The following ARL6IP4 variants were observed in gnomAD, a reference collection of about 807,000 sequenced individuals.
ARL6IP4 encodes the protein ADP-ribosylation factor-like protein 6-interacting protein 4.
A neutral mutation model predicts 28.1 loss-of-function variants in ARL6IP4; 24 were observed. The ratio of observed to expected loss-of-function variants is 0.86; its 90% confidence interval spans 0.62 to 1.20. The LOEUF (loss-of-function observed/expected upper bound fraction) is 1.20, where lower values mean the gene tolerates loss of function less well. ARL6IP4 is among the 50% of genes most tolerant of loss of function. The pLI is 0.00. For synonymous variants in ARL6IP4, 162 were observed against 122.3 expected, an observed-to-expected ratio of 1.32 and a Z score of -2.14; for missense variants, 343 against 302.4, an observed-to-expected ratio of 1.13 and a Z score of -1.00.
intron 1 of ARL6IP4, 81 bp downstream of exon 1, chr12:122,980,826 G>A (rs1343647294): frequency 3.0e-6 from 4 of 1,328,118 alleles, no homozygotes; most frequent in Non-Finnish European, 3.8e-6. Flanking sequence ...GGAGAGCGCG[G>A]GAAAGCGCCC....
Position 122,980,937 on chromosome 12 carries a change from C to G in ARL6IP4, c.-12+192C>G, listed in dbSNP as rs542405971. 138 of 1,384,774 alleles carry G rather than the reference C, an allele frequency of 1.0e-4. No individual in the cohort carries two copies. In the African/African-American group the frequency reaches 1.9e-3, roughly 19 times the overall value. The allele number at this position is 1,384,774 out of a possible 1,614,324, so 85.8% of individuals were successfully genotyped here. On this transcript the variant is annotated intron_variant, in intron 1 of 5. Coordinates refer to ENST00000315580, the MANE Select transcript of ARL6IP4 (RefSeq NM_018694.4). Reference sequence around the variant, plus strand: ...CACGGGGCGGGCCCTTAACAGGCACCGCTGCGGGGACTGGAGTCGGCGGAG... The same window carrying G: ...CACGGGGCGGGCCCTTAACAGGCACGGCTGCGGGGACTGGAGTCGGCGGAG...
At position 122,981,196 on chromosome 12, in the gene ARL6IP4, G is replaced by A. The variant is rs2037630320; in HGVS notation, c.57G>A (p.Arg19=). The A allele has an allele frequency of 6.5e-7, 1 of 1,549,798 alleles. No individual in the cohort carries two copies. Among genetic ancestry groups the A allele is most frequent in the Admixed American group, 2.0e-5 (1 of 50,948 alleles). Residue 19 remains arginine (R), a synonymous_variant, in exon 2 of 6, where the codon CGG becomes CGA. Coordinates refer to ENST00000315580, the MANE Select transcript of ARL6IP4 (RefSeq NM_018694.4). ...RSRSRSRSRG[R]GSEKRKKKSR... ...GGAGTCGCAGCCGGTCCCGGGGACGGGGGTCGGAAAAGAGAAAGAAGAAGA... is the reference window on the plus strand; with the variant it reads ...GGAGTCGCAGCCGGTCCCGGGGACGAGGGTCGGAAAAGAGAAAGAAGAAGA...
At chr12:122,980,311 A>C, upstream of ARL6IP4, 1 of 1,290,496 alleles carries the variant, frequency 7.7e-7, no homozygotes, top group East Asian at 2.8e-5. Flanking sequence ...CCCTACGGAC[A>C]CGAGTTTGCG....
intron 4 of ARL6IP4, 98 bp downstream of exon 4, chr12:122,982,172 G>A (rs2037708221): frequency 7.1e-7 from 1 of 1,416,290 alleles, no homozygotes; most frequent in Non-Finnish European, 9.9e-7. Context: ...GGTTCCTGGT[G>A]CCTGAAAAAG....
At chr12:122,981,504 C>T in intron 2 of ARL6IP4, 67 bp from the exon 3 acceptor site, 4 of 1,440,486 alleles carry the variant, frequency 2.8e-6, no homozygotes, top group African/African-American at 1.4e-5. Context: ...ACCCTGTAGC[C>T]GGTCTGTGCC....
At chr12:122,981,350 G>T in intron 2 of ARL6IP4, 51 bp downstream of exon 2, 1 of 1,513,120 alleles carries the variant, frequency 6.6e-7, no homozygotes, top group Non-Finnish European at 8.9e-7. Flanking sequence ...ACCCGGGGAA[G>T]TCGGGCGAGC....
chr12:122,980,922 G>A, intron 1 of ARL6IP4, 177 bp downstream of exon 1: 1 of 1,375,060 alleles, frequency 7.3e-7, no homozygotes, highest in South Asian at 1.7e-5. Context: ...CACGGGGCGG[G>A]CCCTTAACAG....
In ARL6IP4 at chr12:122,981,223, C is replaced by T; in HGVS notation, c.84C>T (p.Ser28=). The T allele has an allele frequency of 1.3e-6, 2 of 1,550,040 alleles. No homozygotes were observed. The highest frequency in any genetic ancestry group is 1.2e-5 in the South Asian group (1 of 84,014). The change falls in exon 2 of 6, where the codon AGC becomes AGT. Residue 28 remains serine, a synonymous_variant. Transcript: ENST00000315580. ...GRGSEKRKKK[S]RKDTSRNCSA... ...GGTCGGAAAAGAGAAAGAAGAAGAG[C>T]AGGAAAGACACCTCGAGGAACTGCT... is the stretch of plus-strand genomic sequence containing the variant.
At chr12:122,980,643 A>G, upstream of ARL6IP4, 1 of 1,396,774 alleles carries the variant, frequency 7.2e-7, no homozygotes, top group Non-Finnish European at 9.3e-7. Flanking sequence ...CGCGCTTCCC[A>G]GCCGGCCAGC....
At chr12:122,982,105 A>G (rs766651623) in intron 4 of ARL6IP4, 31 bp downstream of exon 4, 13 of 1,599,712 alleles carry the variant, frequency 8.1e-6, no homozygotes, top group Non-Finnish European at 1.1e-5. Context: ...CTTACACCAC[A>G]GGATCTGGGA....
chr12:122,980,438 C>T (rs754103527), upstream of ARL6IP4: 2 of 1,361,672 alleles, frequency 1.5e-6, no homozygotes, highest in South Asian at 2.0e-5. Flanking sequence ...GCGAGGGTCG[C>T]CTTCTTCCCA....
chr12:122,982,456 C>A lies in ARL6IP4; in HGVS notation c.588-13C>A. 6.2e-7 allele frequency: 1 copy of A among 1,609,380 alleles called. No individual in the cohort carries two copies. Among genetic ancestry groups the A allele is most frequent in the Middle Eastern group, 1.7e-4 (1 of 6,060 alleles). On this transcript the variant is annotated splice_polypyrimidine_tract_variant and intron_variant, in intron 4 of 5. Coordinates refer to ENST00000315580, the MANE Select transcript of ARL6IP4 (RefSeq NM_018694.4). ...GCCTATTCCTTGCTGAACGGAGACC[C>A]TCCCACCCCCAGGCTTATTAAGGGA...
chr12:122,982,572 C>T lies in ARL6IP4; in HGVS notation c.657+34C>T, dbSNP rs1311313525. The T allele has an allele frequency of 1.9e-6, 3 of 1,614,086 alleles. No homozygotes were observed. In the Admixed American group the frequency reaches 5.0e-5, roughly 27 times the overall value. On this transcript the variant is annotated intron_variant, in intron 5 of 5. Transcript: ENST00000315580. Reference sequence around the variant, plus strand: ...GGCCCCTCTGCCTGCCATCCGCCCCCAGCTCTGTTTGTGATGTACCCCTCC... The same window carrying T: ...GGCCCCTCTGCCTGCCATCCGCCCCTAGCTCTGTTTGTGATGTACCCCTCC...
At chr12:122,982,307 C>A in intron 4 of ARL6IP4, 162 bp from the exon 5 acceptor site, 1 of 841,820 alleles carries the variant, frequency 1.2e-6, no homozygotes, top group Non-Finnish European at 1.9e-6. Context: ...AGCCCAGCTC[C>A]ACTGCCTTCA....
At chr12:122,980,590 C>T (rs778285529), upstream of ARL6IP4, 5 of 1,391,700 alleles carry the variant, frequency 3.6e-6, no homozygotes, top group Non-Finnish European at 4.7e-6. Flanking sequence ...GGTGGGCGCG[C>T]CCGGGACGGA....
Position 122,980,683 on chromosome 12 carries a change from C to T in ARL6IP4, c.-74C>T. The T allele has an allele frequency of 7.4e-7, 1 of 1,345,646 alleles. No individual in the cohort carries two copies. Among genetic ancestry groups the T allele is most frequent in the East Asian group, 3.1e-5 (1 of 32,226 alleles). The allele number at this position is 1,345,646 out of a possible 1,614,324, so 83.4% of individuals were successfully genotyped here. On this transcript the variant is annotated 5_prime_UTR_variant, in exon 1 of 6. Transcript: ENST00000315580. ...CGCGCAGCGCCCCGGCCGGAAGCCTCCTCGCCGCCGCTTCCTCTCGAGAAG... is the reference window on the plus strand; with the variant it reads ...CGCGCAGCGCCCCGGCCGGAAGCCTTCTCGCCGCCGCTTCCTCTCGAGAAG...
upstream of ARL6IP4, chr12:122,980,680 C>G: frequency 7.4e-7 from 1 of 1,347,776 alleles, no homozygotes; most frequent in Non-Finnish European, 9.5e-7. Context: ...CGGCCGGAAG[C>G]CTCCTCGCCG....
chr12:122,982,686 C>T lies in ARL6IP4; in HGVS notation c.*10C>T. On this transcript the variant is annotated 3_prime_UTR_variant, in exon 6 of 6. Transcript: ENST00000315580. ...TGGGTTGCTTCCCTGAGGGCCCCCGCTGGCCAAGGCCTGTGGACGACGCTG... is the reference window on the plus strand; with the variant it reads ...TGGGTTGCTTCCCTGAGGGCCCCCGTTGGCCAAGGCCTGTGGACGACGCTG... The T allele has an allele frequency of 1.2e-6, 2 of 1,613,168 alleles. No homozygotes were observed. Among genetic ancestry groups the T allele is most frequent in the Non-Finnish European group, 1.7e-6 (2 of 1,179,826 alleles).
In ARL6IP4 at chr12:122,982,507, T is replaced by C; in HGVS notation, c.626T>C (p.Val209Ala). 6.2e-7 allele frequency: 1 copy of C among 1,614,080 alleles called. No homozygotes were observed. The highest frequency in any genetic ancestry group is 8.5e-7 in the Non-Finnish European group (1 of 1,179,990). ...GATGGCGAGGTCCTAGAGGAAATCG[T>C]AACCAAAGAACGACACAGAGAGATC... ...KGDGEVLEEIVTKERHREINK... is the reference protein window; with the variant it reads ...KGDGEVLEEIATKERHREINK... The change falls in exon 5 of 6, where the codon GTA becomes GCA. Residue 209 changes from valine to alanine, a missense_variant. By Grantham distance (64) the Val-to-Ala change is moderately conservative. Transcript: ENST00000315580.
Sources: allele counts gnomAD v4.1 joint callset, GRCh38; gene constraint gnomAD v4.1.1; transcripts MANE v1.5; gene names NCBI Gene and HGNC (gene_info 2026-07-23, HGNC 2026-07-21).